TFDP1: variants seen among roughly 807,000 people sequenced by gnomAD.
TFDP1 encodes the protein transcription factor Dp-1.
Under a neutral mutation model 48.0 loss-of-function variants are expected in TFDP1, and 6 were observed. The observed-to-expected ratio is 0.13, with a 90% CI of 0.07 to 0.25. The LOEUF is 0.25. TFDP1 is among the 10% of genes least tolerant of loss of function. The probability of loss-of-function intolerance (pLI) is 1.00; values close to 1 mark genes in which losing one functional copy is unlikely to be tolerated. For synonymous variants in TFDP1, 201 were observed against 211.6 expected (o/e 0.95, Z 0.44); for missense variants, 335 against 543.0 (o/e 0.62, Z 3.81).
In TFDP1 at chr13:113,635,967, T is replaced by G; in HGVS notation, c.688-10T>G. 6.2e-7 allele frequency: 1 copy of G among 1,604,408 alleles called. No individual in the cohort carries two copies. Among genetic ancestry groups the G allele is most frequent in the Non-Finnish European group, 8.5e-7 (1 of 1,174,438 alleles). On this transcript the variant is annotated splice_polypyrimidine_tract_variant and intron_variant, in intron 8 of 11. Transcript: ENST00000375370. The stretch of plus-strand genomic sequence containing the variant: ...GCCACGGGCCACCTGGCTCCTCTTA[T>G]TTTTTTTAGCAAATTGCCTTCAAGA...
chr13:113,588,835 G>C (rs1482862738), intron 2 of TFDP1, among the ~76,000 whole-genome samples: 2 of 151,858 alleles, frequency 1.3e-5, no homozygotes, highest in Non-Finnish European at 2.9e-5. Flanking sequence ...ATTGGATGGA[G>C]AGTGAGTGGT....
chr13:113,636,207 G>A lies in TFDP1; in HGVS notation c.839+79G>A, dbSNP rs2049483524. 7 of 1,535,584 alleles carry A rather than the reference G, an allele frequency of 4.6e-6. No homozygotes were observed. The South Asian group carries it at 7.2e-5, about 16-fold the overall frequency. On this transcript the variant is annotated intron_variant, in intron 9 of 11. Transcript: ENST00000375370. ...CCGACCCTGTTGGTATTGTCACTAG[G>A]ACAAGTTTTAAATGTTGTACAAATA...
intron 2 of TFDP1, among the ~76,000 whole-genome samples, chr13:113,593,030 G>A (rs1322108324): frequency 4.7e-5 from 7 of 149,942 alleles, no homozygotes; most frequent in African/African-American, 7.4e-5. Context: ...GGTGTCAGGC[G>A]TGATGCGTGT....
In TFDP1 at chr13:113,634,008, C is replaced by T. The variant is rs755763593; in HGVS notation, c.593C>T (p.Ser198Leu). 2 of 1,614,172 alleles carry T rather than the reference C, an allele frequency of 1.2e-6. No individual in the cohort carries two copies. Among genetic ancestry groups the T allele is most frequent in the South Asian group, 1.1e-5 (1 of 91,076 alleles). The change falls in exon 7 of 12, where the codon TCG (serine) becomes TTG (leucine). Residue 198 changes from serine (S) to leucine (L), a missense_variant. Transcript: ENST00000375370. Reference sequence around the variant, plus strand: ...AAGTGGATTGGTCTGCCCACCAACTCGGCTCAGGAATGTCAGAACTTAGAG... The same window carrying T: ...AAGTGGATTGGTCTGCCCACCAACTTGGCTCAGGAATGTCAGAACTTAGAG... ...EIKWIGLPTN[S>L]AQECQNLEVE...
chr13:113,607,412 A>C lies in TFDP1; in HGVS notation c.13-3584A>C, dbSNP rs780483911. ...TTCCACTTTCAGAAGCATGAGTTGC[A>C]TAAGGAAGGGGAATGAAAGGGTTTT... On this transcript the variant is annotated intron_variant, in intron 2 of 11. Transcript: ENST00000375370. This position sits in a 1 kb window ranked among gnomAD's most constrained non-coding sequence, Gnocchi z 5.2. 6.6e-6 allele frequency among the ~76,000 whole-genome samples: 1 copy of C among 152,220 alleles called. No homozygotes were observed. Among genetic ancestry groups the C allele is most frequent in the African/African-American group, 2.4e-5 (1 of 41,454 alleles).
intron 3 of TFDP1, among the ~76,000 whole-genome samples, chr13:113,613,583 C>G (rs2048763695): frequency 1.2e-5 from 1 of 86,042 alleles, no homozygotes; most frequent in Admixed American, 1.2e-4. Context: ...TGTGTGTGTG[C>G]ATGAGTGTGT....
chr13:113,618,153 C>G (rs2048908436), intron 3 of TFDP1, among the ~76,000 whole-genome samples: 1 of 152,218 alleles, frequency 6.6e-6, no homozygotes, highest in South Asian at 2.1e-4. Context: ...CTCCTCCCTC[C>G]CATGCATAGA....
intron 2 of TFDP1, among the ~76,000 whole-genome samples, chr13:113,587,051 TTGTGTGGTTTCC>T (rs1339238821): frequency 2.6e-5 from 4 of 152,136 alleles, no homozygotes; most frequent in Admixed American, 1.3e-4. Context: ...GCTTCTGGTG[TTGTGTGGTTTCC>T]TGTGTGGTTT....
chr13:113,610,824 C>G (rs1289779972), intron 2 of TFDP1, among the ~76,000 whole-genome samples, 172 bp from the exon 3 acceptor site: 1 of 152,200 alleles, frequency 6.6e-6, no homozygotes, highest in African/African-American at 2.4e-5. Flanking sequence ...AGTGACATTC[C>G]TTCTCCGGAC....
Position 113,634,582 on chromosome 13 carries a change from C to T in TFDP1, c.667C>T (p.Leu223Phe), listed in dbSNP as rs771349925. 1 of 1,612,842 alleles carries T rather than the reference C, an allele frequency of 6.2e-7. No homozygotes were observed. Among genetic ancestry groups the T allele is most frequent in the Non-Finnish European group, 8.5e-7 (1 of 1,179,526 alleles). Residue 223 changes from leucine (L) to phenylalanine (F), a missense_variant, in exon 8 of 12, where the codon CTT (leucine) becomes TTT (phenylalanine). By Grantham distance (22) the Leu-to-Phe change is conservative. Coordinates refer to ENST00000375370, the MANE Select transcript of TFDP1 (RefSeq NM_007111.5). ...AAGAATAAAACAGAAACAGTCTCAA[C>T]TTCAAGAACTTATTCTACAGGTAAG... ...LERIKQKQSQLQELILQQIAF... is the reference protein window; with the variant it reads ...LERIKQKQSQFQELILQQIAF...
intron 3 of TFDP1, among the ~76,000 whole-genome samples, chr13:113,619,747 G>A (rs909536001): frequency 6.6e-6 from 1 of 152,180 alleles, no homozygotes; most frequent in African/African-American, 2.4e-5. Context: ...TACGTACCCT[G>A]CCCTCTGTCC....
intron 4 of TFDP1, among the ~76,000 whole-genome samples, chr13:113,625,442 T>C (rs1380172516): frequency 8.4e-5 from 9 of 107,374 alleles, no homozygotes; most frequent in South Asian, 3.6e-4. Context: ...GTCTCTCACA[T>C]GTCCTCAGGT....
intron 4 of TFDP1, among the ~76,000 whole-genome samples, chr13:113,626,623 G>T (rs530844203): frequency 6.6e-6 from 1 of 152,260 alleles, no homozygotes; most frequent in South Asian, 2.1e-4. Flanking sequence ...CCTGTGGAAG[G>T]TGACAAAAAA....
intron 4 of TFDP1, among the ~76,000 whole-genome samples, chr13:113,624,813 C>G (rs933146846): frequency 1.4e-5 from 2 of 145,518 alleles, no homozygotes; most frequent in Admixed American, 6.8e-5. Flanking sequence ...AGGTGTTTCT[C>G]AGGTGTCTCT....
chr13:113,636,450 C>T lies in TFDP1; in HGVS notation c.840-84C>T, dbSNP rs191256997. 1,348 of 1,465,412 alleles carry T rather than the reference C, an allele frequency of 9.2e-4. 2 individuals are homozygous for T. Among genetic ancestry groups the T allele is most frequent in the Non-Finnish European group, 1.1e-3 (1,229 of 1,069,736 alleles). 90.8% of individuals were successfully genotyped at this position (1,465,412 alleles called of 1,614,324 possible). A position where few individuals can be genotyped will look rare whatever the true frequency, so the allele number is the denominator to read the frequency against. ...CCGGGAAGCTGTGTGTGGCGGTCAG[C>T]GGGTCAGCCGTCCTGGCTCCACCCC... On this transcript the variant is annotated intron_variant, in intron 9 of 11. Coordinates refer to ENST00000375370, the MANE Select transcript of TFDP1 (RefSeq NM_007111.5).
intron 4 of TFDP1, among the ~76,000 whole-genome samples, chr13:113,626,815 G>A (rs907310119): frequency 2.6e-5 from 4 of 152,228 alleles, no homozygotes; most frequent in Non-Finnish European, 5.9e-5. Context: ...TTGCTTATAA[G>A]TTGACTAGGA....
intron 10 of TFDP1, chr13:113,637,581 G>T: frequency 6.6e-7 from 1 of 1,513,544 alleles, no homozygotes; most frequent in Non-Finnish European, 8.8e-7. Flanking sequence ...AAGTCAGTGT[G>T]TGCAGGTATT....
At chr13:113,637,568 TG>T (rs2049524578) in intron 10 of TFDP1, 3 of 1,488,670 alleles carry the variant, frequency 2.0e-6, no homozygotes, top group Non-Finnish European at 1.8e-6. Flanking sequence ...GTGTGCCGTT[TG>T]TAAGTCAGTG....
intron 10 of TFDP1, among the ~76,000 whole-genome samples, chr13:113,637,440 CG>C (rs1566679671): frequency 6.6e-6 from 1 of 152,220 alleles, no homozygotes; most frequent in Non-Finnish European, 1.5e-5. Context: ...GCCCTGACCC[CG>C]GCCTCTGTCC....
Sources: allele counts gnomAD v4.1 joint callset (sites outside exome capture counted in the v4.1 genomes callset), GRCh38; gene constraint gnomAD v4.1.1; non-coding constraint Gnocchi (gnomAD v3.1); transcripts MANE v1.5; gene names NCBI Gene and HGNC (gene_info 2026-07-23, HGNC 2026-07-21).